Variants in DCLK1 observed in about 807,000 individuals in gnomAD.
DCLK1 encodes the protein doublecortin like kinase 1.
Under a neutral mutation model 86.2 loss-of-function variants are expected in DCLK1, and 16 were observed. The ratio of observed to expected loss-of-function variants is 0.19; its 90% confidence interval spans 0.13 to 0.28. The LOEUF (loss-of-function observed/expected upper bound fraction) is 0.28. Ranked by LOEUF, DCLK1 falls within the 10% of genes least tolerant of loss-of-function variation. DCLK1 has a pLI of 1.00. For missense variants in DCLK1, 590 were observed against 940.2 expected (o/e 0.63, Z 4.87); for synonymous variants, 369 against 370.5 (o/e 1.00, Z 0.05).
chr13:36,046,449 T>A (rs915214217), intron 3 of DCLK1, among the ~76,000 whole-genome samples: 2 of 152,216 alleles, frequency 1.3e-5, no homozygotes, highest in East Asian at 1.9e-4. Context: ...ACTTTCTAGA[T>A]CCATAAATCA....
At position 35,827,729 on chromosome 13, in the gene DCLK1, G is replaced by C. The variant is rs1436163065; in HGVS notation, c.1313C>G (p.Ser438Cys). 1 of 1,613,822 alleles carries C rather than the reference G, an allele frequency of 6.2e-7. No individual in the cohort carries two copies. ...GGGATGCTTCACTCTTCTTAAAATA[G>C]ACACTTCATTCTGGATCATGTGCTC... ...GKEHMIQNEV[S>C]ILRRVKHPNI... Residue 438 changes from serine to cysteine, a missense_variant, in exon 10 of 17, where the codon TCT becomes TGT. Ser to Cys is a moderately radical substitution (Grantham distance 112). Coordinates refer to ENST00000360631, the MANE Select transcript of DCLK1 (RefSeq NM_001330071.2).
At position 35,904,608 on chromosome 13, in the gene DCLK1, C is replaced by T. The variant is rs1874576943; in HGVS notation, c.824-33268G>A. 2.0e-5 allele frequency among the ~76,000 whole-genome samples: 3 copies of T among 152,238 alleles called. No homozygotes were observed. In the South Asian group the frequency reaches 6.2e-4, roughly 31 times the overall value. On this transcript the variant is annotated intron_variant, in intron 4 of 16. Coordinates refer to ENST00000360631, the MANE Select transcript of DCLK1 (RefSeq NM_001330071.2). ...GTGGTGGGTGCTGGATGGCATATAG[C>T]TCCTTGTCTATGTCCACCTCCTTCC...
intron 3 of DCLK1, among the ~76,000 whole-genome samples, chr13:36,068,174 T>C (rs921843452): frequency 6.6e-6 from 1 of 152,252 alleles, no homozygotes; most frequent in Admixed American, 6.5e-5. Flanking sequence ...CCAAATTTGC[T>C]AAGCCTGTAA....
intron 9 of DCLK1, 25 bp from the exon 10 acceptor site, chr13:35,827,779 A>G (rs753847038): frequency 1.9e-6 from 3 of 1,611,730 alleles, no homozygotes; most frequent in Admixed American, 3.3e-5. Context: ...AGTTATCTTC[A>G]TCAGCTTCCA....
At chr13:36,127,742 AC>A (rs1886238740) in intron 1 of DCLK1, among the ~76,000 whole-genome samples, 1 of 152,008 alleles carries the variant, frequency 6.6e-6, no homozygotes, top group South Asian at 2.1e-4. Flanking sequence ...CCATCTCATG[AC>A]CTTTTGAAAG....
At chr13:35,981,249 A>G (rs1180562853) in intron 3 of DCLK1, among the ~76,000 whole-genome samples, 1 of 152,240 alleles carries the variant, frequency 6.6e-6, no homozygotes, top group Non-Finnish European at 1.5e-5. Context: ...TGACAGGCTT[A>G]TATCGCTTAG....
chr13:35,915,607 A>G (rs1875358296), intron 4 of DCLK1, among the ~76,000 whole-genome samples: 1 of 152,196 alleles, frequency 6.6e-6, no homozygotes, highest in Non-Finnish European at 1.5e-5. Context: ...AAGGAGGCTG[A>G]GGTGGGAGAA....
intron 3 of DCLK1, among the ~76,000 whole-genome samples, chr13:35,981,144 CAA>C (rs1172900908): frequency 6.6e-6 from 1 of 151,868 alleles, no homozygotes; most frequent in African/African-American, 2.4e-5. Context: ...TTTCATTAAT[CAA>C]AAGAGTGCAG....
chr13:35,924,693 G>A (rs1337027076), intron 4 of DCLK1, among the ~76,000 whole-genome samples: 1 of 152,090 alleles, frequency 6.6e-6, no homozygotes, highest in Non-Finnish European at 1.5e-5. Context: ...AGTATTCTTA[G>A]TATTCTGCAC....
chr13:35,850,749 C>T (rs779864156), intron 6 of DCLK1: 18 of 1,603,828 alleles, frequency 1.1e-5, no homozygotes, highest in Non-Finnish European at 1.4e-5. Context: ...GAATCCAAGT[C>T]ATCCGAAGAG....
At chr13:35,882,322 A>G (rs985062576) in intron 4 of DCLK1, among the ~76,000 whole-genome samples, 1 of 152,184 alleles carries the variant, frequency 6.6e-6, no homozygotes, top group African/African-American at 2.4e-5. Flanking sequence ...AGAATAACCC[A>G]AGATAATCCC....
At chr13:35,840,823 T>C (rs1328947020) in intron 6 of DCLK1, among the ~76,000 whole-genome samples, 1 of 152,248 alleles carries the variant, frequency 6.6e-6, no homozygotes, top group East Asian at 1.9e-4. Context: ...CTCTGCTGAC[T>C]TTTATGGATG....
chr13:36,055,888 T>C (rs191871229), intron 3 of DCLK1, among the ~76,000 whole-genome samples: 1 of 152,298 alleles, frequency 6.6e-6, no homozygotes, highest in Admixed American at 6.5e-5. Flanking sequence ...CTTTAAAAAA[T>C]TAACCATATA....
rs185049664 is a variant in DCLK1 at position 35,988,333 on chromosome 13, G to C, written c.724-40876C>G. On this transcript the variant is annotated intron_variant, in intron 3 of 16. Coordinates refer to ENST00000360631, the MANE Select transcript of DCLK1 (RefSeq NM_001330071.2). ...CCTGATGCATGTGCGAGGTGAGGGT[G>C]CCCGTTTTGTACCAGTGCTGTGCAG... Among the ~76,000 whole-genome samples, 75 of 152,326 alleles carry C rather than the reference G, an allele frequency of 4.9e-4. No individual in the cohort carries two copies. In the East Asian group the frequency reaches 0.014, roughly 29 times the overall value.
intron 2 of DCLK1, among the ~76,000 whole-genome samples, chr13:36,113,441 G>A (rs1885679819): frequency 1.3e-5 from 2 of 152,174 alleles, no homozygotes; most frequent in African/African-American, 4.8e-5. Flanking sequence ...TCACCTGGCA[G>A]ATCATGACTT....
At chr13:35,965,576 C>G (rs1878693511) in intron 3 of DCLK1, among the ~76,000 whole-genome samples, 1 of 152,162 alleles carries the variant, frequency 6.6e-6, no homozygotes, top group Admixed American at 6.5e-5. Context: ...AGAGAAAATT[C>G]TTGCTCAGGG....
At chr13:36,079,396 G>A (rs1884333833) in intron 3 of DCLK1, among the ~76,000 whole-genome samples, 5 of 152,154 alleles carry the variant, frequency 3.3e-5, no homozygotes, top group Admixed American at 3.3e-4. Context: ...TTGGGAGGCT[G>A]AGGCGGGAGG....
At chr13:35,804,400 CT>C (rs1005913374) in intron 15 of DCLK1, among the ~76,000 whole-genome samples, 2 of 151,554 alleles carry the variant, frequency 1.3e-5, no homozygotes, top group African/African-American at 4.9e-5. Flanking sequence ...TCCCAAAGTA[CT>C]GGGATTACAG....
intron 3 of DCLK1, among the ~76,000 whole-genome samples, chr13:36,050,442 G>A (rs1883081752): frequency 6.6e-6 from 1 of 152,068 alleles, no homozygotes; most frequent in Admixed American, 6.6e-5. Flanking sequence ...CAATGATGTA[G>A]CTGAAATTAA....
Sources: gnomAD v4.1 joint callset for allele counts (sites outside exome capture counted in the v4.1 genomes callset) on GRCh38, gnomAD v4.1.1 for gene constraint, MANE v1.5 for transcripts, NCBI Gene and HGNC (gene_info 2026-07-23, HGNC 2026-07-21) for gene names.